The following TRPS1 variants were observed in gnomAD, a reference collection of about 807,000 sequenced individuals.
TRPS1 encodes the protein transcriptional repressor GATA binding 1.
In TRPS1, 6 loss-of-function variants were observed where a neutral mutation model predicts 101.2. The observed-to-expected ratio is 0.06, with a 90% confidence interval of 0.03 to 0.12. TRPS1 has a LOEUF of 0.12. Ranked by LOEUF, TRPS1 falls within the 10% of genes least tolerant of loss-of-function variation. The pLI, the probability that TRPS1 is intolerant of heterozygous loss-of-function variation, is 1.00. For missense variants in TRPS1, 1,363 were observed against 1,567.0 expected, an observed-to-expected ratio of 0.87 and a Z score of 2.20; for synonymous variants, 578 against 589.8, an observed-to-expected ratio of 0.98 and a Z score of 0.29.
chr8:115,491,977 T>G (rs1448884344), intron 5 of TRPS1, among the ~76,000 whole-genome samples: 68 of 152,294 alleles, frequency 4.5e-4, no homozygotes, highest in East Asian at 1.9e-4. Flanking sequence ...TAATAACATT[T>G]TCATAAATGA....
chr8:115,663,665 G>A (rs940219742), intron 1 of TRPS1, among the ~76,000 whole-genome samples: 3 of 136,222 alleles, frequency 2.2e-5, no homozygotes, highest in Admixed American at 7.5e-5. Flanking sequence ...CAAATTTGAA[G>A]TACATAGATA....
chr8:115,464,808 G>A (rs1814277895), intron 5 of TRPS1, among the ~76,000 whole-genome samples: 1 of 152,048 alleles, frequency 6.6e-6, no homozygotes, highest in East Asian at 1.9e-4. Flanking sequence ...CTTACTGTCA[G>A]GAACACTTTT....
chr8:115,621,269 A>G (rs1208433669), intron 2 of TRPS1, among the ~76,000 whole-genome samples: 1 of 152,206 alleles, frequency 6.6e-6, no homozygotes, highest in Non-Finnish European at 1.5e-5. Flanking sequence ...CATCACCCCA[A>G]ATGTCTCTTG....
intron 5 of TRPS1, among the ~76,000 whole-genome samples, chr8:115,461,221 T>A (rs868094042): frequency 1.3e-5 from 2 of 152,020 alleles, no homozygotes; most frequent in Non-Finnish European, 2.9e-5. Context: ...TAAGGGTAGA[T>A]AGATGACAGA....
chr8:115,555,576 G>T (rs1178148395), intron 5 of TRPS1, among the ~76,000 whole-genome samples: 1 of 152,006 alleles, frequency 6.6e-6, no homozygotes, highest in Non-Finnish European at 1.5e-5. Flanking sequence ...AGCAGAGGGG[G>T]TTGATGAAGG....
intron 5 of TRPS1, among the ~76,000 whole-genome samples, chr8:115,558,591 T>A (rs1446720896): frequency 1.3e-5 from 2 of 152,338 alleles, no homozygotes; most frequent in East Asian, 3.9e-4. Flanking sequence ...CCTGGAAGCA[T>A]AAAATTCACT....
intron 5 of TRPS1, among the ~76,000 whole-genome samples, chr8:115,512,831 G>T (rs1327498545): frequency 6.6e-6 from 1 of 151,546 alleles, no homozygotes; most frequent in African/African-American, 2.4e-5. Context: ...GTTTACTATT[G>T]CAGAAAAGAC....
At chr8:115,522,014 A>C (rs1468660706) in intron 5 of TRPS1, among the ~76,000 whole-genome samples, 1 of 151,924 alleles carries the variant, frequency 6.6e-6, no homozygotes, top group Non-Finnish European at 1.5e-5. Context: ...AAAGACATAA[A>C]ACTATGAATT....
At chr8:115,454,441 A>T (rs1813963717) in intron 5 of TRPS1, among the ~76,000 whole-genome samples, 1 of 152,318 alleles carries the variant, frequency 6.6e-6, no homozygotes, top group East Asian at 1.9e-4. Flanking sequence ...TAATTCCACA[A>T]GAGAATTTGA....
intron 1 of TRPS1, among the ~76,000 whole-genome samples, chr8:115,629,714 G>A (rs867863579): frequency 6.6e-5 from 10 of 151,810 alleles, no homozygotes; most frequent in Admixed American, 6.6e-5. Flanking sequence ...ATTGCACTGA[G>A]CCATCTTCAG....
chr8:115,504,520 C>A (rs1259079130), intron 5 of TRPS1, among the ~76,000 whole-genome samples: 1 of 152,182 alleles, frequency 6.6e-6, no homozygotes, highest in Admixed American at 6.5e-5. Flanking sequence ...TGCACACAAC[C>A]TAATGCACCC....
At chr8:115,433,701 T>C in intron 5 of TRPS1, among the ~76,000 whole-genome samples, 1 of 152,144 alleles carries the variant, frequency 6.6e-6, no homozygotes, top group Non-Finnish European at 1.5e-5. Flanking sequence ...TGTAGCACAG[T>C]ACTAAACGTA....
At chr8:115,427,849 C>A in intron 5 of TRPS1, among the ~76,000 whole-genome samples, 1 of 52,390 alleles carries the variant, frequency 1.9e-5, no homozygotes, top group Non-Finnish European at 4.0e-5. Flanking sequence ...GGGGGCAGTG[C>A]TGGGGAGGGG....
At chr8:115,479,402 T>C (rs912351164) in intron 5 of TRPS1, among the ~76,000 whole-genome samples, 2 of 152,094 alleles carry the variant, frequency 1.3e-5, no homozygotes, top group South Asian at 2.1e-4. Flanking sequence ...CAGAAGCTGA[T>C]AGATACAAGC....
intron 5 of TRPS1, among the ~76,000 whole-genome samples, chr8:115,441,898 AGTGT>A (rs796637255): frequency 4.3e-5 from 5 of 116,148 alleles, no homozygotes; most frequent in African/African-American, 1.4e-4. Flanking sequence ...AGAGAGAGAG[AGTGT>A]GTGTGTGTGT....
chr8:115,626,984 T>C (rs977683514), intron 1 of TRPS1, among the ~76,000 whole-genome samples: 3 of 151,738 alleles, frequency 2.0e-5, no homozygotes, highest in African/African-American at 7.2e-5. Context: ...AAATACATGT[T>C]AAAGAAAAAA....
intron 5 of TRPS1, among the ~76,000 whole-genome samples, chr8:115,472,920 G>A (rs191038586): frequency 1.9e-4 from 29 of 152,250 alleles, no homozygotes; most frequent in African/African-American, 6.3e-4. Flanking sequence ...TCTGAGATCA[G>A]CTAAGCCTGG....
intron 5 of TRPS1, among the ~76,000 whole-genome samples, chr8:115,543,619 TTTC>T (rs147733984): frequency 0.64 from 97,088 of 151,542 alleles, 31,689 homozygotes; most frequent in East Asian, 0.84. Flanking sequence ...GTCCTCATTT[TTTC>T]TTCTTCATAC....
intron 5 of TRPS1, among the ~76,000 whole-genome samples, chr8:115,585,650 A>G (rs1197613209): frequency 1.3e-5 from 2 of 152,198 alleles, no homozygotes; most frequent in African/African-American, 4.8e-5. Context: ...ATGCAGCTCC[A>G]TGTATATTCA....
Sources: allele counts gnomAD v4.1 joint callset (sites outside exome capture counted in the v4.1 genomes callset), GRCh38; gene constraint gnomAD v4.1.1; transcripts MANE v1.5; gene names NCBI Gene and HGNC (gene_info 2026-07-23, HGNC 2026-07-21).